PTCHD4: variants seen among roughly 807,000 people sequenced by gnomAD.
PTCHD4 encodes patched domain containing 4.
In PTCHD4, 33 loss-of-function variants were observed where a neutral mutation model predicts 58.1. That is an observed-to-expected ratio of 0.57 (90% CI 0.43 to 0.76). PTCHD4 has a LOEUF of 0.76. PTCHD4 is among the 30% of genes least tolerant of loss of function. The pLI, the probability that PTCHD4 is intolerant of heterozygous loss-of-function variation, is 0.00. For synonymous variants in PTCHD4, 478 were observed against 409.6 expected, an observed-to-expected ratio of 1.17 and a Z score of -2.02; for missense variants, 1,058 against 1,027.1, an observed-to-expected ratio of 1.03 and a Z score of -0.41.
intron 4 of PTCHD4, among the ~76,000 whole-genome samples, chr6:47,909,909 T>A (rs1186765845): frequency 6.6e-6 from 1 of 152,170 alleles, no homozygotes; most frequent in Non-Finnish European, 1.5e-5. Context: ...TCAGGTTCAG[T>A]CTAAAGTTTA....
intron 4 of PTCHD4, among the ~76,000 whole-genome samples, chr6:48,005,542 T>C (rs990416952): frequency 2.0e-5 from 3 of 152,180 alleles, no homozygotes; most frequent in African/African-American, 7.2e-5. Context: ...ACACAACGTA[T>C]TTATGCTCAA....
intron 4 of PTCHD4, among the ~76,000 whole-genome samples, chr6:47,980,101 A>T (rs996131578): frequency 3.3e-5 from 5 of 152,124 alleles, no homozygotes; most frequent in Non-Finnish European, 7.4e-5. Context: ...TATTTCATGC[A>T]TAGAGTAAAA....
At chr6:47,918,365 A>G (rs750404542) in intron 4 of PTCHD4, among the ~76,000 whole-genome samples, 11 of 152,176 alleles carry the variant, frequency 7.2e-5, no homozygotes, top group Admixed American at 1.3e-4. Context: ...ACTCTAAACT[A>G]GAAAAAAAAT....
At position 47,961,997 on chromosome 6, in the gene PTCHD4, GA is replaced by G. The variant is rs537156507; in HGVS notation, c.898+46636del. The stretch of plus-strand genomic sequence containing the variant: ...CAAAAGCTTGTTCTTTGAGAAGACA[GA>G]AAAAAATTAATTCAAATCTAACCAG... On this transcript the variant is annotated intron_variant, in intron 4 of 4. Transcript: ENST00000339488. Among the ~76,000 whole-genome samples, 12 of 151,716 alleles carry G rather than the reference GA, an allele frequency of 7.9e-5. No individual in the cohort carries two copies. The East Asian group carries it at 2.1e-3, about 27-fold the overall frequency.
At chr6:47,915,020 CA>C (rs2113873877) in intron 4 of PTCHD4, among the ~76,000 whole-genome samples, 1 of 152,136 alleles carries the variant, frequency 6.6e-6, no homozygotes, top group South Asian at 2.1e-4. Context: ...GAATTCATTT[CA>C]AATTTGGGCC....
chr6:47,889,693 T>A lies in PTCHD4; in HGVS notation c.899-9757A>T, dbSNP rs1327867498. 6.6e-5 allele frequency among the ~76,000 whole-genome samples: 10 copies of A among 151,370 alleles called. No homozygotes were observed. The East Asian group carries it at 2.0e-3, about 30-fold the overall frequency. On this transcript the variant is annotated intron_variant, in intron 4 of 4. Coordinates refer to ENST00000339488, the MANE Select transcript of PTCHD4 (RefSeq NM_001384253.1). ...TGGATCCCTTCCTTACACCTTATAC[T>A]AAAATCAATTCAAGATGGATTAAAG...
chr6:47,919,248 T>TATCA lies in PTCHD4; in HGVS notation c.899-39316_899-39313dup, dbSNP rs571560682. Among the ~76,000 whole-genome samples the TATCA allele has an allele frequency of 1.2e-4, 18 of 152,332 alleles. No individual in the cohort carries two copies. The East Asian group carries it at 3.5e-3, about 29-fold the overall frequency. On this transcript the variant is annotated intron_variant, in intron 4 of 4. Coordinates refer to ENST00000339488, the MANE Select transcript of PTCHD4 (RefSeq NM_001384253.1). ...GAATTGATATTTTAAGCCTGTGATA[T>TATCA]ATCAGTCACTGTTCTAATGATGAAT...
chr6:47,911,400 C>G (rs1221373111), intron 4 of PTCHD4, among the ~76,000 whole-genome samples: 2 of 152,114 alleles, frequency 1.3e-5, no homozygotes, highest in African/African-American at 4.8e-5. Flanking sequence ...AAAGTTTTAG[C>G]AATTTCCTGT....
chr6:48,071,791 C>T (rs1263485632), intron 1 of PTCHD4, among the ~76,000 whole-genome samples: 1 of 152,022 alleles, frequency 6.6e-6, no homozygotes, highest in East Asian at 1.9e-4. Context: ...CTTTAAGACC[C>T]TTTAGGCTAT....
rs1222345754 is a variant in PTCHD4 at position 48,068,655 on chromosome 6, T to C, written c.6-14A>G. The C allele has an allele frequency of 6.5e-7, 1 of 1,534,592 alleles. No homozygotes were observed. The highest frequency in any genetic ancestry group is 8.7e-7 in the Non-Finnish European group (1 of 1,145,142). On this transcript the variant is annotated splice_polypyrimidine_tract_variant and intron_variant, in intron 2 of 4. Transcript: ENST00000339488. This position sits in a 1 kb window ranked among gnomAD's most constrained non-coding sequence, Gnocchi z 4.2. ...GCTCCCGGCCGTCTTAAAAAGCACA[T>C]GTGACATGTGTAAGCGCCGGGCTAC... is the stretch of plus-strand genomic sequence containing the variant.
At chr6:47,921,956 AAAAAGAAAAGAAAAG>A (rs577009756) in intron 4 of PTCHD4, among the ~76,000 whole-genome samples, 79 of 147,048 alleles carry the variant, frequency 5.4e-4, no homozygotes, top group Non-Finnish European at 9.8e-4. Context: ...AAAAAAAAAA[AAAAAGAAAAGAAAAG>A]AAAAGAAAAG....
At chr6:47,963,378 A>G (rs773824191) in intron 4 of PTCHD4, among the ~76,000 whole-genome samples, 2 of 152,164 alleles carry the variant, frequency 1.3e-5, no homozygotes, top group African/African-American at 2.4e-5. Flanking sequence ...ACCCTTGTAC[A>G]CTACTGGTGG....
At chr6:47,957,591 T>A (rs2113961054) in intron 4 of PTCHD4, among the ~76,000 whole-genome samples, 1 of 150,772 alleles carries the variant, frequency 6.6e-6, no homozygotes, top group South Asian at 2.1e-4. Flanking sequence ...TTTTATTTTT[T>A]TTATTTTTAT....
chr6:47,953,968 A>T lies in PTCHD4; in HGVS notation c.898+54666T>A, dbSNP rs184295640. 7.2e-5 allele frequency among the ~76,000 whole-genome samples: 11 copies of T among 152,330 alleles called. No homozygotes were observed. In the East Asian group the frequency reaches 1.3e-3, roughly 19 times the overall value. ...AAGGGGCAGTATATTTTTTTAACTA[A>T]TTAAACATGTCCTATTTTGACATAA... On this transcript the variant is annotated intron_variant, in intron 4 of 4. Coordinates refer to ENST00000339488, the MANE Select transcript of PTCHD4 (RefSeq NM_001384253.1).
chr6:48,054,679 C>T (rs926316075), intron 3 of PTCHD4, among the ~76,000 whole-genome samples: 2 of 151,510 alleles, frequency 1.3e-5, no homozygotes, highest in South Asian at 2.1e-4. Flanking sequence ...TTTGTGCAAC[C>T]GGTAAAATGA....
At chr6:48,080,817 T>A (rs1211818353) in intron 1 of PTCHD4, among the ~76,000 whole-genome samples, 7 of 152,170 alleles carry the variant, frequency 4.6e-5, no homozygotes, top group Non-Finnish European at 8.8e-5. Flanking sequence ...CTCCTTTTGT[T>A]CCCAAGTACC....
chr6:47,860,969 T>C lies in PTCHD4; in HGVS notation c.*17334A>G, dbSNP rs1371919421. On this transcript the variant is annotated 3_prime_UTR_variant, in exon 5 of 5. Transcript: ENST00000339488. ...CAACTAAGAAACAGAGTTGATGTGC[T>C]CCATGCTGAGGTCGAATGAAGAAGA... 1.3e-5 allele frequency among the ~76,000 whole-genome samples: 2 copies of C among 152,002 alleles called. No homozygotes were observed. The highest frequency in any genetic ancestry group is 2.9e-5 in the Non-Finnish European group (2 of 67,936).
chr6:47,891,145 C>T (rs1475735315), intron 4 of PTCHD4, among the ~76,000 whole-genome samples: 3 of 148,298 alleles, frequency 2.0e-5, no homozygotes, highest in Non-Finnish European at 4.4e-5. Context: ...TTGCTTGAAC[C>T]TGGGAGGTGG....
chr6:47,979,694 T>C (rs1313544856), intron 4 of PTCHD4, among the ~76,000 whole-genome samples: 1 of 152,122 alleles, frequency 6.6e-6, no homozygotes, highest in Non-Finnish European at 1.5e-5. Flanking sequence ...AATATCCAAT[T>C]TGATATGCCA....
Sources: gnomAD v4.1 joint callset for allele counts (sites outside exome capture counted in the v4.1 genomes callset) on GRCh38, gnomAD v4.1.1 for gene constraint, Gnocchi (gnomAD v3.1) non-coding constraint, MANE v1.5 for transcripts, NCBI Gene and HGNC (gene_info 2026-07-23, HGNC 2026-07-21) for gene names.